The following RUNDC3B variants were observed in gnomAD, a reference collection of about 807,000 sequenced individuals.
The protein encoded by RUNDC3B is RUN domain-containing protein 3B.
RUNDC3B carries 33 observed loss-of-function variants against 58.4 expected under a neutral mutation model. The ratio of observed to expected loss-of-function variants is 0.56; its 90% CI spans 0.43 to 0.75. The LOEUF is 0.75. RUNDC3B is among the 30% of genes least tolerant of loss of function. RUNDC3B has a pLI of 0.00. For synonymous variants in RUNDC3B, 193 were observed against 195.2 expected, an observed-to-expected ratio of 0.99 and a Z score of 0.10; for missense variants, 501 against 535.7, an observed-to-expected ratio of 0.94 and a Z score of 0.64.
At chr7:87,797,109 C>T (rs751653183) in intron 8 of RUNDC3B, among the ~76,000 whole-genome samples, 12 of 151,744 alleles carry the variant, frequency 7.9e-5, no homozygotes, top group South Asian at 2.1e-4. Context: ...GTGACAGTAA[C>T]GGAAAAGTTT....
intron 4 of RUNDC3B, chr7:87,713,255 A>G (rs922950735): frequency 6.6e-6 from 1 of 152,164 alleles, no homozygotes; most frequent in Non-Finnish European, 1.5e-5. Context: ...AATAAAGTAG[A>G]TTTCTTCATG....
intron 1 of RUNDC3B, among the ~76,000 whole-genome samples, chr7:87,642,834 T>C (rs1822589830): frequency 6.6e-6 from 1 of 152,200 alleles, no homozygotes; most frequent in Non-Finnish European, 1.5e-5. Context: ...GTGTCTAGAT[T>C]AACAATTCTC....
At chr7:87,713,621 G>A (rs1294852685) in intron 4 of RUNDC3B, among the ~76,000 whole-genome samples, 1 of 148,952 alleles carries the variant, frequency 6.7e-6, no homozygotes, top group Non-Finnish European at 1.5e-5. Context: ...GCCAGAATAG[G>A]CAGAATGAAG....
chr7:87,664,522 C>T (rs1337860651), intron 2 of RUNDC3B, among the ~76,000 whole-genome samples: 1 of 151,964 alleles, frequency 6.6e-6, no homozygotes, highest in African/African-American at 2.4e-5. Flanking sequence ...AGGTGTAACT[C>T]TTGAAATGAA....
intron 8 of RUNDC3B, among the ~76,000 whole-genome samples, chr7:87,799,885 CAAAAA>C (rs763617668): frequency 3.4e-5 from 2 of 59,318 alleles, no homozygotes; most frequent in African/African-American, 1.2e-4. Flanking sequence ...GACTCCGTCT[CAAAAA>C]AAAAAAAAAA....
At chr7:87,779,845 G>T (rs752112725) in intron 8 of RUNDC3B, among the ~76,000 whole-genome samples, 2 of 150,930 alleles carry the variant, frequency 1.3e-5, no homozygotes, top group Non-Finnish European at 2.9e-5. Context: ...CACGTGTACC[G>T]ATTATTTAAC....
intron 4 of RUNDC3B, among the ~76,000 whole-genome samples, chr7:87,716,083 TAA>T (rs1830539546): frequency 2.0e-5 from 3 of 152,122 alleles, no homozygotes; most frequent in Admixed American, 2.0e-4. Flanking sequence ...ATTAATTAAT[TAA>T]TTTTTAAAAA....
chr7:87,659,685 G>C (rs1455227195), intron 2 of RUNDC3B, among the ~76,000 whole-genome samples: 1 of 152,092 alleles, frequency 6.6e-6, no homozygotes. Flanking sequence ...ACAGTCCGGG[G>C]TATAAGAGGT....
At chr7:87,669,438 T>C (rs1056287103) in intron 2 of RUNDC3B, among the ~76,000 whole-genome samples, 4 of 152,234 alleles carry the variant, frequency 2.6e-5, no homozygotes, top group African/African-American at 9.6e-5. Flanking sequence ...AGCTTCTCAC[T>C]GTGCCTTTTA....
At chr7:87,659,130 C>T (rs1824433573) in intron 2 of RUNDC3B, 1 of 335,860 alleles carries the variant, frequency 3.0e-6, no homozygotes, top group South Asian at 2.5e-5. Flanking sequence ...CCACTGCAAT[C>T]TAGCCTGGGC....
At chr7:87,721,607 C>G (rs1393984873) in intron 4 of RUNDC3B, among the ~76,000 whole-genome samples, 1 of 152,122 alleles carries the variant, frequency 6.6e-6, no homozygotes, top group Non-Finnish European at 1.5e-5. Flanking sequence ...AAAACAAACA[C>G]ACTTTTAAAC....
At chr7:87,792,042 A>T (rs1025816248) in intron 8 of RUNDC3B, among the ~76,000 whole-genome samples, 2 of 152,112 alleles carry the variant, frequency 1.3e-5, no homozygotes, top group Admixed American at 6.5e-5. Flanking sequence ...AAGCAAATGG[A>T]AACTGAAAAA....
At chr7:87,688,217 G>A (rs1432345258) in intron 2 of RUNDC3B, among the ~76,000 whole-genome samples, 2 of 151,988 alleles carry the variant, frequency 1.3e-5, no homozygotes, top group South Asian at 2.1e-4. Context: ...CGAAGCATCC[G>A]GGGTTATGTA....
chr7:87,684,168 A>G (rs1827213250), intron 2 of RUNDC3B, among the ~76,000 whole-genome samples: 1 of 152,234 alleles, frequency 6.6e-6, no homozygotes, highest in South Asian at 2.1e-4. Flanking sequence ...GAAGTTTACA[A>G]CAGGGTTTCT....
chr7:87,645,131 G>A (rs895762817), intron 1 of RUNDC3B, among the ~76,000 whole-genome samples: 11 of 148,090 alleles, frequency 7.4e-5, no homozygotes, highest in Admixed American at 2.0e-4. Flanking sequence ...TGCTCAGGCC[G>A]GAGTGCAGTG....
At chr7:87,731,428 G>A (rs947040414) in intron 4 of RUNDC3B, among the ~76,000 whole-genome samples, 4 of 152,000 alleles carry the variant, frequency 2.6e-5, no homozygotes, top group African/African-American at 9.7e-5. Flanking sequence ...TAATAACATT[G>A]AATGAAAATG....
intron 1 of RUNDC3B, among the ~76,000 whole-genome samples, chr7:87,647,939 C>T (rs1823182185): frequency 6.6e-6 from 1 of 152,080 alleles, no homozygotes; most frequent in South Asian, 2.1e-4. Context: ...AATCCCAACA[C>T]TTTGGGAGGC....
intron 6 of RUNDC3B, among the ~76,000 whole-genome samples, chr7:87,744,325 A>AT (rs1288078798): frequency 1.3e-5 from 2 of 151,500 alleles, no homozygotes; most frequent in South Asian, 2.1e-4. Context: ...GAATTTTAGA[A>AT]TTTTTTTTCT....
chr7:87,758,348 A>C (rs183920149), intron 6 of RUNDC3B, among the ~76,000 whole-genome samples: 9 of 152,210 alleles, frequency 5.9e-5, no homozygotes, highest in Admixed American at 3.9e-4. Context: ...ACAAACAAAC[A>C]AACAAAAACC....
Sources: gnomAD v4.1 joint callset for allele counts (sites outside exome capture counted in the v4.1 genomes callset) on GRCh38, gnomAD v4.1.1 for gene constraint, MANE v1.5 for transcripts, NCBI Gene and HGNC (gene_info 2026-07-23, HGNC 2026-07-21) for gene names.